Variants in TMEM132C observed in about 807,000 individuals in gnomAD.
TMEM132C encodes protein phosphatase 1, regulatory subunit 152.
Under a neutral mutation model 61.4 loss-of-function variants are expected in TMEM132C, and 29 were observed. The ratio of observed to expected loss-of-function variants is 0.47; its 90% CI spans 0.35 to 0.64. The LOEUF (loss-of-function observed/expected upper bound fraction) is 0.64, where lower values mean the gene tolerates loss of function less well. Ranked by LOEUF, TMEM132C falls within the 30% of genes least tolerant of loss-of-function variation. TMEM132C has a pLI of 0.00. For missense variants in TMEM132C, 1,408 were observed against 1,476.9 expected (o/e 0.95, Z 0.76); for synonymous variants, 656 against 633.1 (o/e 1.04, Z -0.54).
chr12:128,290,580 T>G (rs1194897467), intron 1 of TMEM132C, among the ~76,000 whole-genome samples: 2 of 152,136 alleles, frequency 1.3e-5, no homozygotes, highest in Admixed American at 1.3e-4. Context: ...ATAGCCCCAT[T>G]GAATTGTCAA....
At position 128,544,044 on chromosome 12, in the gene TMEM132C, C is replaced by T. The variant is rs757501302; in HGVS notation, c.1062C>T (p.Gly354=). The change falls in exon 3 of 9, where the codon GGC becomes GGT. Residue 354 remains glycine (G), a synonymous_variant. Transcript: ENST00000435159. ...QWGVKQEVGS[G]GKHVTATVAC... is the part of the protein sequence containing the mutation. ...GCGTCAAGCAGGAGGTGGGCAGCGG[C>T]GGAAAGCACGTGACGGCCACCGTGG... 20 of 1,547,428 alleles carry T rather than the reference C, an allele frequency of 1.3e-5. No individual in the cohort carries two copies. Among genetic ancestry groups the T allele is most frequent in the South Asian group, 1.1e-4 (9 of 83,152 alleles).
chr12:128,466,386 T>G (rs1039648047), intron 2 of TMEM132C, among the ~76,000 whole-genome samples: 1 of 152,264 alleles, frequency 6.6e-6, no homozygotes, highest in Admixed American at 6.5e-5. Context: ...TTTTACCAAT[T>G]TAATGGCCAA....
At chr12:128,340,847 C>G (rs111249914) in intron 1 of TMEM132C, among the ~76,000 whole-genome samples, 5,311 of 142,072 alleles carry the variant, frequency 0.037, 239 homozygotes, top group African/African-American at 0.11. Flanking sequence ...CTCTCTTTCT[C>G]TCTTTCTTTC....
intron 4 of TMEM132C, among the ~76,000 whole-genome samples, chr12:128,626,798 G>T (rs1415437898): frequency 1.3e-5 from 2 of 152,134 alleles, no homozygotes; most frequent in African/African-American, 2.4e-5. Flanking sequence ...ATATCTTACT[G>T]CATGCCTTTA....
At position 128,707,430 on chromosome 12, in the gene TMEM132C, A is replaced by G. The variant is rs1160313518; in HGVS notation, c.*1135A>G. The G allele has an allele frequency of 6.6e-6, 1 of 152,186 alleles. No homozygotes were observed. Among genetic ancestry groups the G allele is most frequent in the Non-Finnish European group, 1.5e-5 (1 of 68,036 alleles). The allele number at this position is 152,186 out of a possible 1,614,324, so 9.4% of individuals were successfully genotyped here. A position where few individuals can be genotyped will look rare whatever the true frequency, so the allele number is the denominator to read the frequency against. ...ATAAAAACTGTTTGGAGGGTTTTTG[A>G]GTTGTTTTTCTTATGTTGTTGGGTG... On this transcript the variant is annotated 3_prime_UTR_variant, in exon 9 of 9. Coordinates refer to ENST00000435159, the MANE Select transcript of TMEM132C (RefSeq NM_001136103.3).
chr12:128,639,301 G>A (rs1954135667), intron 4 of TMEM132C, among the ~76,000 whole-genome samples: 1 of 151,726 alleles, frequency 6.6e-6, no homozygotes, highest in Admixed American at 6.6e-5. Context: ...TGATGATGAT[G>A]ATGGTGATGA....
chr12:128,347,441 T>TCTCTC (rs1873204434), intron 1 of TMEM132C, among the ~76,000 whole-genome samples: 1 of 120,676 alleles, frequency 8.3e-6, no homozygotes, highest in African/African-American at 4.6e-5. Context: ...CTCTCTCTCC[T>TCTCTC]TCTTTCTGAC....
rs1565905372 is a variant in TMEM132C at position 128,338,778 on chromosome 12, T to TATATATATATATATATA, written c.85+71291_85+71292insATATATATATATATATA. On this transcript the variant is annotated intron_variant, in intron 1 of 8. Coordinates refer to ENST00000435159, the MANE Select transcript of TMEM132C (RefSeq NM_001136103.3). ...CAGAAATATATATATATATATATATTTTGCACAAAGATGAAATCCGTCCTA... is the reference window on the plus strand; with the variant it reads ...CAGAAATATATATATATATATATATTATATATATATATATATATTGCACAAAGATGAAATCCGTCCTA... Among the ~76,000 whole-genome samples, 47 of 129,508 alleles carry TATATATATATATATATA rather than the reference T, an allele frequency of 3.6e-4. No homozygotes were observed. The Middle Eastern group carries it at 0.012, about 32-fold the overall frequency. 85.0% of individuals were successfully genotyped at this position (129,508 alleles called of 152,430 possible).
rs550395458 is a variant in TMEM132C at position 128,705,593 on chromosome 12, C to G, written c.2625C>G (p.Asp875Glu). ...AAGTGGTGAAGAACAGTCGGGCAGA[C>G]GGGGGCAGGCTGGCAGGAGAGGGGC... ...DNKVVKNSRADGGRLAGEGQL... is the reference protein window; with the variant it reads ...DNKVVKNSRAEGGRLAGEGQL... Residue 875 changes from aspartate (D) to glutamate (E), a missense_variant, in exon 9 of 9, where the codon GAC becomes GAG. Transcript: ENST00000435159. 3.2e-6 allele frequency: 5 copies of G among 1,551,014 alleles called. No homozygotes were observed. The East Asian group carries it at 7.3e-5, about 23-fold the overall frequency.
chr12:128,597,502 AAGGAAG>A, intron 3 of TMEM132C, among the ~76,000 whole-genome samples: 1 of 16,206 alleles, frequency 6.2e-5, no homozygotes, highest in South Asian at 1.4e-3. Context: ...GGAAAGAAGG[AAGGAAG>A]GAAGGAAGGA....
intron 1 of TMEM132C, among the ~76,000 whole-genome samples, chr12:128,307,887 C>T (rs558026462): frequency 2.6e-5 from 4 of 152,308 alleles, no homozygotes; most frequent in African/African-American, 9.6e-5. Context: ...GGGCCAACAC[C>T]CTGCTTTACT....
intron 2 of TMEM132C, among the ~76,000 whole-genome samples, chr12:128,518,633 C>A (rs1227771634): frequency 6.6e-6 from 1 of 152,180 alleles, no homozygotes; most frequent in East Asian, 1.9e-4. Context: ...TAAAAGCATT[C>A]CATATAAAAG....
At chr12:128,346,805 G>T (rs769660278) in intron 1 of TMEM132C, among the ~76,000 whole-genome samples, 1 of 152,156 alleles carries the variant, frequency 6.6e-6, no homozygotes, top group Admixed American at 6.5e-5. Flanking sequence ...CCGTAAGTGC[G>T]AGGGTTTGTT....
chr12:128,674,817 C>A (rs1422172748), intron 5 of TMEM132C, among the ~76,000 whole-genome samples: 1 of 151,978 alleles, frequency 6.6e-6, no homozygotes, highest in Admixed American at 6.6e-5. Flanking sequence ...GTCTTTTATC[C>A]CTTGCCTCCC....
At chr12:128,306,067 T>A (rs1208152888) in intron 1 of TMEM132C, among the ~76,000 whole-genome samples, 1 of 152,220 alleles carries the variant, frequency 6.6e-6, no homozygotes, top group Non-Finnish European at 1.5e-5. Context: ...TTGACACCAA[T>A]GACACTAGAT....
chr12:128,362,557 G>T (rs970358428), intron 1 of TMEM132C, among the ~76,000 whole-genome samples: 1 of 152,084 alleles, frequency 6.6e-6, no homozygotes, highest in African/African-American at 2.4e-5. Context: ...AAAATGCCTG[G>T]CACCAGACGT....
intron 1 of TMEM132C, 41 bp downstream of exon 1, chr12:128,267,528 A>G: frequency 8.2e-7 from 1 of 1,224,128 alleles, no homozygotes; most frequent in Non-Finnish European, 1.0e-6. Flanking sequence ...ACGCATGCGA[A>G]CTTCCCGGTT....
chr12:128,357,350 T>C (rs1169446535), intron 1 of TMEM132C, among the ~76,000 whole-genome samples: 1 of 152,012 alleles, frequency 6.6e-6, no homozygotes, highest in Non-Finnish European at 1.5e-5. Context: ...GGCTCCATCA[T>C]CCAAAATACC....
chr12:128,485,725 A>T (rs754245671), intron 2 of TMEM132C, among the ~76,000 whole-genome samples: 2 of 152,124 alleles, frequency 1.3e-5, no homozygotes, highest in Non-Finnish European at 2.9e-5. Flanking sequence ...CTGCTCTGGG[A>T]TGCAATGAAC....
Sources: allele counts gnomAD v4.1 joint callset (sites outside exome capture counted in the v4.1 genomes callset), GRCh38; gene constraint gnomAD v4.1.1; transcripts MANE v1.5; gene names NCBI Gene and HGNC (gene_info 2026-07-23, HGNC 2026-07-21).